Variants in ZDHHC17 observed in about 807,000 individuals in gnomAD.
ZDHHC17 encodes the protein palmitoyltransferase ZDHHC17.
Under a neutral mutation model 90.3 loss-of-function variants are expected in ZDHHC17, and 40 were observed. The ratio of observed to expected loss-of-function variants is 0.44; its 90% CI spans 0.34 to 0.58. The LOEUF (loss-of-function observed/expected upper bound fraction) is 0.58. Among genes scored for constraint, ZDHHC17 ranks in the 20% least tolerant of loss-of-function variants. The pLI is 0.01. For synonymous variants in ZDHHC17, 235 were observed against 252.4 expected (o/e 0.93, Z 0.65); for missense variants, 614 against 780.8 (o/e 0.79, Z 2.55).
At chr12:76,829,156 A>T (rs1342776313) in intron 10 of ZDHHC17, among the ~76,000 whole-genome samples, 1 of 152,176 alleles carries the variant, frequency 6.6e-6, no homozygotes, top group African/African-American at 2.4e-5. Flanking sequence ...GATTTCTCAA[A>T]AAACTAAAGA....
chr12:76,764,641 G>A (rs1225732577), intron 1 of ZDHHC17: 3 of 509,116 alleles, frequency 5.9e-6, no homozygotes, highest in Non-Finnish European at 1.1e-5. Flanking sequence ...GCCTGGTGTG[G>A]TTTTTGAACC....
intron 7 of ZDHHC17, among the ~76,000 whole-genome samples, chr12:76,818,596 G>GA (rs1475589100): frequency 1.1e-4 from 16 of 152,324 alleles, no homozygotes; most frequent in African/African-American, 3.8e-4. Context: ...TACGTAATGA[G>GA]AAGGGATCAG....
intron 15 of ZDHHC17, 37 bp from the exon 16 acceptor site, chr12:76,849,339 A>C (rs944386674): frequency 8.8e-7 from 1 of 1,137,252 alleles, no homozygotes; most frequent in East Asian, 2.7e-5. Context: ...AAAAAAAAAA[A>C]AACAAGAATA....
At chr12:76,779,034 G>A (rs370225704) in intron 1 of ZDHHC17, among the ~76,000 whole-genome samples, 9 of 152,152 alleles carry the variant, frequency 5.9e-5, no homozygotes, top group African/African-American at 2.2e-4. Context: ...ATGTTAATTT[G>A]ATCACCTCTT....
At chr12:76,818,552 A>G (rs1953118009) in intron 7 of ZDHHC17, among the ~76,000 whole-genome samples, 1 of 152,228 alleles carries the variant, frequency 6.6e-6, no homozygotes. Context: ...TGATTTGGGA[A>G]TGCCTCTGAG....
intron 2 of ZDHHC17, among the ~76,000 whole-genome samples, chr12:76,799,688 G>C (rs1046465157): frequency 1.3e-5 from 2 of 152,228 alleles, no homozygotes; most frequent in Admixed American, 1.3e-4. Flanking sequence ...CTCATCTTTT[G>C]CGTGAGCTTT....
intron 1 of ZDHHC17, among the ~76,000 whole-genome samples, chr12:76,781,432 G>C (rs1039558952): frequency 1.3e-4 from 20 of 152,214 alleles, no homozygotes; most frequent in Admixed American, 5.2e-4. Flanking sequence ...TTGTCATTGT[G>C]ATGGTATTAA....
At chr12:76,838,357 T>C (rs1050135255) in intron 10 of ZDHHC17, among the ~76,000 whole-genome samples, 2 of 152,198 alleles carry the variant, frequency 1.3e-5, no homozygotes, top group Non-Finnish European at 2.9e-5. Context: ...TTTTCATCTT[T>C]CATCTTGCTC....
chr12:76,780,547 C>G (rs1952610474), intron 1 of ZDHHC17, among the ~76,000 whole-genome samples: 1 of 152,204 alleles, frequency 6.6e-6, no homozygotes, highest in South Asian at 2.1e-4. Context: ...CGCCCAACTT[C>G]TTTGTAATAA....
intron 8 of ZDHHC17, among the ~76,000 whole-genome samples, chr12:76,825,358 C>A (rs1288381369): frequency 6.6e-6 from 1 of 152,026 alleles, no homozygotes; most frequent in Non-Finnish European, 1.5e-5. Context: ...CTATATAATT[C>A]TTTCACATTT....
chr12:76,788,081 G>A (rs1444818601), intron 1 of ZDHHC17, among the ~76,000 whole-genome samples: 1 of 152,092 alleles, frequency 6.6e-6, no homozygotes, highest in East Asian at 1.9e-4. Flanking sequence ...GTGAGACCCT[G>A]TCCCTTAAAA....
At chr12:76,766,772 C>A (rs1952436120) in intron 1 of ZDHHC17, among the ~76,000 whole-genome samples, 1 of 151,204 alleles carries the variant, frequency 6.6e-6, no homozygotes, top group Non-Finnish European at 1.5e-5. Flanking sequence ...GTAGTCCCAG[C>A]ACTTTGGGAA....
intron 2 of ZDHHC17, among the ~76,000 whole-genome samples, chr12:76,798,757 C>T (rs1165021436): frequency 6.6e-6 from 1 of 152,092 alleles, no homozygotes; most frequent in East Asian, 1.9e-4. Context: ...GAAGCAGGTA[C>T]ATCTGAACCT....
chr12:76,813,645 C>A (rs1216800928), intron 5 of ZDHHC17, among the ~76,000 whole-genome samples: 1 of 151,990 alleles, frequency 6.6e-6, no homozygotes, highest in East Asian at 1.9e-4. Flanking sequence ...CTGCTCTCTC[C>A]ACTGATTGGT....
At chr12:76,777,676 C>T (rs1253340010) in intron 1 of ZDHHC17, among the ~76,000 whole-genome samples, 2 of 152,148 alleles carry the variant, frequency 1.3e-5, no homozygotes, top group African/African-American at 4.8e-5. Flanking sequence ...GCTGCATCCT[C>T]ACCAGCATTT....
intron 10 of ZDHHC17, among the ~76,000 whole-genome samples, chr12:76,836,146 C>CT (rs1018234333): frequency 6.6e-6 from 1 of 151,440 alleles, no homozygotes; most frequent in South Asian, 2.1e-4. Context: ...TTTGTATTGT[C>CT]TTTGTTATGT....
chr12:76,842,850 A>G (rs1953451922), intron 11 of ZDHHC17, 69 bp from the exon 12 acceptor site: 3 of 1,110,078 alleles, frequency 2.7e-6, no homozygotes, highest in South Asian at 2.9e-5. Context: ...TTATTGATTC[A>G]TAGTGGTGGC....
chr12:76,805,214 T>G lies in ZDHHC17; in HGVS notation c.198-103T>G, dbSNP rs375703093. On this transcript the variant is annotated intron_variant, in intron 2 of 16. Coordinates refer to ENST00000426126, the MANE Select transcript of ZDHHC17 (RefSeq NM_015336.4). ...TCTATGTTGAGAAATACATTTTAAT[T>G]TCCTAGTATCAAAATGAGGAATTAT... is the stretch of plus-strand genomic sequence containing the variant. The G allele has an allele frequency of 3.3e-5, 36 of 1,091,120 alleles. No individual in the cohort carries two copies. The East Asian group carries it at 7.7e-4, about 23-fold the overall frequency. 67.6% of individuals were successfully genotyped at this position (1,091,120 alleles called of 1,614,324 possible). A position where few individuals can be genotyped will look rare whatever the true frequency, so the allele number is the denominator to read the frequency against.
chr12:76,814,036 G>A (rs971879126), intron 5 of ZDHHC17, among the ~76,000 whole-genome samples: 1 of 151,964 alleles, frequency 6.6e-6, no homozygotes, highest in Non-Finnish European at 1.5e-5. Flanking sequence ...CTGAGAATAC[G>A]AAGATGGATT....
Sources: allele counts gnomAD v4.1 joint callset (sites outside exome capture counted in the v4.1 genomes callset), GRCh38; gene constraint gnomAD v4.1.1; transcripts MANE v1.5; gene names NCBI Gene and HGNC (gene_info 2026-07-23, HGNC 2026-07-21).